The following BBX variants were observed in gnomAD, a reference collection of about 807,000 sequenced individuals.
BBX encodes HMG box transcription factor BBX.
BBX carries 30 observed loss-of-function variants against 100.2 expected under a neutral mutation model. The observed-to-expected ratio is 0.30, with a 90% CI of 0.22 to 0.41. BBX has a LOEUF of 0.41. Ranked by LOEUF, BBX falls within the 10% of genes least tolerant of loss-of-function variation. BBX has a pLI of 1.00. For missense variants in BBX, 1,023 were observed against 1,129.8 expected (o/e 0.91, Z 1.35); for synonymous variants, 376 against 388.1 (o/e 0.97, Z 0.37).
At chr3:107,635,944 T>TGGTGATCCTCCCGCCTC (rs2056827273) in intron 2 of BBX, among the ~76,000 whole-genome samples, 1 of 152,166 alleles carries the variant, frequency 6.6e-6, no homozygotes, top group Non-Finnish European at 1.5e-5. Context: ...ACTCCTGACC[T>TGGTGATCCTCCCGCCTC]GGTGATCCTC....
chr3:107,806,777 A>C lies in BBX; in HGVS notation c.*1320A>C, dbSNP rs2071091930. 1 of 152,226 alleles carries C rather than the reference A, an allele frequency of 6.6e-6. No individual in the cohort carries two copies. The highest frequency in any genetic ancestry group is 1.5e-5 in the Non-Finnish European group (1 of 68,044). The allele number at this position is 152,226 out of a possible 1,614,324, so 9.4% of individuals were successfully genotyped here. On this transcript the variant is annotated 3_prime_UTR_variant, in exon 18 of 18. Transcript: ENST00000325805. ...TCCTAGCAACAGATGCAAAGTGATAAATCAAAATTAGTCTGAGGCTACAGA... is the reference window on the plus strand; with the variant it reads ...TCCTAGCAACAGATGCAAAGTGATACATCAAAATTAGTCTGAGGCTACAGA...
At chr3:107,746,345 C>G (rs1437477224) in intron 8 of BBX, among the ~76,000 whole-genome samples, 1 of 152,158 alleles carries the variant, frequency 6.6e-6, no homozygotes, top group Non-Finnish European at 1.5e-5. Flanking sequence ...CATACTTGCA[C>G]ATGGTGGTCA....
intron 3 of BBX, among the ~76,000 whole-genome samples, chr3:107,663,335 AT>A (rs958306101): frequency 1.3e-5 from 2 of 151,904 alleles, no homozygotes; most frequent in Non-Finnish European, 2.9e-5. Context: ...AACTATGATA[AT>A]TTTTTTTGCT....
chr3:107,556,738 G>A (rs989129711), intron 2 of BBX, among the ~76,000 whole-genome samples: 2 of 152,306 alleles, frequency 1.3e-5, no homozygotes, highest in Admixed American at 6.5e-5. Context: ...CAGGAACCGA[G>A]CATTTTTGGA....
intron 10 of BBX, 118 bp downstream of exon 10, chr3:107,755,796 A>C: frequency 1.2e-6 from 1 of 815,228 alleles, no homozygotes; most frequent in East Asian, 2.5e-5. Flanking sequence ...AGTTACATCT[A>C]ATTTTCAACA....
At chr3:107,600,633 A>G (rs989884314) in intron 2 of BBX, among the ~76,000 whole-genome samples, 4 of 152,352 alleles carry the variant, frequency 2.6e-5, no homozygotes, top group Non-Finnish European at 5.9e-5. Flanking sequence ...GTTATAACCC[A>G]AGCTATTACA....
chr3:107,548,710 T>C (rs1213065971), intron 2 of BBX, among the ~76,000 whole-genome samples: 1 of 152,180 alleles, frequency 6.6e-6, no homozygotes, highest in East Asian at 1.9e-4. Flanking sequence ...CCAGTGCTGT[T>C]TACCATAGCA....
intron 17 of BBX, among the ~76,000 whole-genome samples, chr3:107,803,322 T>G (rs1405313441): frequency 6.6e-6 from 1 of 152,190 alleles, no homozygotes; most frequent in African/African-American, 2.4e-5. Context: ...TGGAGAGTCT[T>G]AGCTGTAACT....
chr3:107,591,427 C>A (rs1454681022), intron 2 of BBX, among the ~76,000 whole-genome samples: 1 of 152,006 alleles, frequency 6.6e-6, no homozygotes, highest in Non-Finnish European at 1.5e-5. Flanking sequence ...GGTTTAAGAT[C>A]TATAAACAGT....
intron 2 of BBX, among the ~76,000 whole-genome samples, chr3:107,531,348 GTT>G (rs1181707987): frequency 6.6e-6 from 1 of 152,124 alleles, no homozygotes; most frequent in Non-Finnish European, 1.5e-5. Flanking sequence ...TTGCTTATTA[GTT>G]GCGGGACTCT....
intron 3 of BBX, among the ~76,000 whole-genome samples, chr3:107,676,286 A>G (rs9811759): frequency 0.12 from 18,151 of 152,216 alleles, 1,426 homozygotes; most frequent in Middle Eastern, 0.19. Context: ...TTGGTTGGAT[A>G]TCAGTCTTCC....
intron 5 of BBX, among the ~76,000 whole-genome samples, chr3:107,718,779 A>G (rs907398146): frequency 6.6e-6 from 1 of 152,126 alleles, no homozygotes. Context: ...CACTAAAATG[A>G]AATCTGTTAA....
At chr3:107,718,197 T>C (rs1378666809) in intron 5 of BBX, among the ~76,000 whole-genome samples, 3 of 147,912 alleles carry the variant, frequency 2.0e-5, no homozygotes, top group Non-Finnish European at 3.0e-5. Flanking sequence ...ATTATATTAG[T>C]ATTTATAATT....
intron 2 of BBX, among the ~76,000 whole-genome samples, chr3:107,620,943 T>TG (rs1491458738): frequency 2.6e-5 from 3 of 114,210 alleles, no homozygotes; most frequent in African/African-American, 3.8e-5. Context: ...AGTGTGTGTG[T>TG]GGGGGGGTGG....
At chr3:107,703,730 A>AC (rs1297760630) in intron 3 of BBX, among the ~76,000 whole-genome samples, 1 of 152,180 alleles carries the variant, frequency 6.6e-6, no homozygotes, top group African/African-American at 2.4e-5. Context: ...TGAATGAGAT[A>AC]TTTTTCATGT....
chr3:107,636,063 T>C (rs2056835358), intron 2 of BBX, among the ~76,000 whole-genome samples: 1 of 152,176 alleles, frequency 6.6e-6, no homozygotes, highest in Non-Finnish European at 1.5e-5. Flanking sequence ...TCCTCTCCCT[T>C]TGGGCACTGG....
chr3:107,640,424 C>T (rs1472528503), intron 2 of BBX, among the ~76,000 whole-genome samples: 1 of 152,170 alleles, frequency 6.6e-6, no homozygotes, highest in Non-Finnish European at 1.5e-5. Flanking sequence ...TTAACACTCT[C>T]CTCCATCCTG....
intron 1 of BBX, among the ~76,000 whole-genome samples, chr3:107,525,131 G>A (rs978103566): frequency 1.3e-5 from 2 of 148,856 alleles, no homozygotes; most frequent in African/African-American, 2.4e-5. Context: ...GGCAGCCAGC[G>A]GCCCAGGGGC....
At position 107,789,815 on chromosome 3, in the gene BBX, A is replaced by G; in HGVS notation, c.2232A>G (p.Leu744=). 6.5e-7 allele frequency: 1 copy of G among 1,548,940 alleles called. No homozygotes were observed. Among genetic ancestry groups the G allele is most frequent in the Non-Finnish European group, 8.7e-7 (1 of 1,144,866 alleles). The change falls in exon 14 of 18, where the codon TTA becomes TTG. Residue 744 remains leucine (L), a synonymous_variant. Coordinates refer to ENST00000325805, the MANE Select transcript of BBX (RefSeq NM_001142568.3). Reference sequence around the variant, plus strand: ...CTTTCCAGTCTCAGAAAAAGAACTTATTCCACAAAATTGTCAGCAAATATA... The same window carrying G: ...CTTTCCAGTCTCAGAAAAAGAACTTGTTCCACAAAATTGTCAGCAAATATA... ...KGPFQSQKKN[L]FHKIVSKYKH...
Sources: gnomAD v4.1 joint callset for allele counts (sites outside exome capture counted in the v4.1 genomes callset) on GRCh38, gnomAD v4.1.1 for gene constraint, MANE v1.5 for transcripts, NCBI Gene and HGNC (gene_info 2026-07-23, HGNC 2026-07-21) for gene names.